The following SYNPR variants were observed in gnomAD, a reference collection of about 807,000 sequenced individuals.
The protein encoded by SYNPR is synaptoporin.
In SYNPR, 23 loss-of-function variants were observed where a neutral mutation model predicts 32.9. The observed-to-expected ratio is 0.70, with a 90% CI of 0.50 to 0.99. The LOEUF is 0.99. Ranked by LOEUF, SYNPR falls within the 50% of genes least tolerant of loss-of-function variation. SYNPR has a pLI of 0.00. For missense variants in SYNPR, 318 were observed against 349.3 expected (o/e 0.91, Z 0.71); for synonymous variants, 146 against 135.9 (o/e 1.07, Z -0.52).
At chr3:63,259,188 C>T (rs6445335) in intron 2 of SYNPR, among the ~76,000 whole-genome samples, 127,274 of 152,196 alleles carry the variant, frequency 0.84, 53,873 homozygotes, top group African/African-American at 0.91. Flanking sequence ...TTCCAACCAA[C>T]AGAAAAAGAC....
chr3:63,291,740 C>T (rs13084625), intron 2 of SYNPR, among the ~76,000 whole-genome samples: 34,919 of 151,998 alleles, frequency 0.23, 4,304 homozygotes, highest in South Asian at 0.38. Context: ...TTGATAGTGG[C>T]ATTAAACTCC....
chr3:63,567,840 G>A (rs902006892), intron 4 of SYNPR, among the ~76,000 whole-genome samples: 2 of 152,176 alleles, frequency 1.3e-5, no homozygotes, highest in Admixed American at 6.5e-5. Flanking sequence ...TCCACCACCT[G>A]TCTGAGATCT....
rs1015377364 is a variant in SYNPR at position 63,321,729 on chromosome 3, C to T, written c.84+42987C>T. ...GGAGTAAAGTCTGAAATTATAACCT[C>T]ATGTCTTTGCACAGAAGTTCTCTGT... On this transcript the variant is annotated intron_variant, in intron 2 of 5. Coordinates refer to ENST00000478300, the MANE Select transcript of SYNPR (RefSeq NM_001130003.2). Among the ~76,000 whole-genome samples, 5 of 152,078 alleles carry T rather than the reference C, an allele frequency of 3.3e-5. No homozygotes were observed. In the East Asian group the frequency reaches 7.7e-4, roughly 24 times the overall value.
intron 2 of SYNPR, among the ~76,000 whole-genome samples, chr3:63,357,756 T>C (rs1335368181): frequency 1.3e-5 from 2 of 152,124 alleles, no homozygotes; most frequent in Non-Finnish European, 2.9e-5. Flanking sequence ...TCAGATTCAA[T>C]TAGTCTATTT....
At chr3:63,233,316 C>G (rs1179098355) in intron 1 of SYNPR, among the ~76,000 whole-genome samples, 1 of 152,188 alleles carries the variant, frequency 6.6e-6, no homozygotes. Context: ...CTAGTAAATT[C>G]AAATTCTCTT....
At chr3:63,427,896 C>G (rs1699920692) in intron 2 of SYNPR, among the ~76,000 whole-genome samples, 1 of 152,200 alleles carries the variant, frequency 6.6e-6, no homozygotes, top group South Asian at 2.1e-4. Flanking sequence ...TTCCAAGGTC[C>G]AAGCCAAGTG....
Position 63,443,862 on chromosome 3 carries a change from A to G in SYNPR, c.85-36970A>G, listed in dbSNP as rs139360089. Among the ~76,000 whole-genome samples the G allele has an allele frequency of 1.6e-3, 241 of 152,290 alleles. 3 individuals are homozygous for G. The East Asian group carries it at 0.033, about 21-fold the overall frequency. ...TTACCATTTTAATTAAAGTTTCTTCATCAGTGTCAGAGTGAAAATTACTTA... is the reference window on the plus strand; with the variant it reads ...TTACCATTTTAATTAAAGTTTCTTCGTCAGTGTCAGAGTGAAAATTACTTA... On this transcript the variant is annotated intron_variant, in intron 2 of 5. Transcript: ENST00000478300.
At chr3:63,569,022 A>G (rs1444604180) in intron 4 of SYNPR, among the ~76,000 whole-genome samples, 1 of 152,236 alleles carries the variant, frequency 6.6e-6, no homozygotes, top group Non-Finnish European at 1.5e-5. Context: ...GCTTAGTAAC[A>G]GTTTATTTAT....
At chr3:63,584,131 A>C (rs1703141852) in intron 4 of SYNPR, among the ~76,000 whole-genome samples, 2 of 152,024 alleles carry the variant, frequency 1.3e-5, no homozygotes, top group Admixed American at 1.3e-4. Context: ...GAGATCAGTT[A>C]GTTTCTGGTG....
At chr3:63,492,876 G>A (rs1701281830) in intron 3 of SYNPR, among the ~76,000 whole-genome samples, 1 of 152,096 alleles carries the variant, frequency 6.6e-6, no homozygotes, top group Non-Finnish European at 1.5e-5. Context: ...ATAGGAAAGA[G>A]AAATAGAGAG....
At chr3:63,301,104 T>TC (rs2106941450) in intron 2 of SYNPR, among the ~76,000 whole-genome samples, 1 of 152,276 alleles carries the variant, frequency 6.6e-6, no homozygotes, top group South Asian at 2.1e-4. Flanking sequence ...CATGTCATCT[T>TC]ACATCTCTTT....
intron 2 of SYNPR, among the ~76,000 whole-genome samples, chr3:63,322,753 C>T (rs1276843166): frequency 6.6e-6 from 1 of 152,036 alleles, no homozygotes; most frequent in Non-Finnish European, 1.5e-5. Flanking sequence ...ACATTCAGTC[C>T]TCTGCCTTTG....
upstream of SYNPR, among the ~76,000 whole-genome samples, chr3:63,227,337 T>C (rs750844277): frequency 7.2e-5 from 11 of 152,316 alleles, no homozygotes; most frequent in South Asian, 4.1e-4. Flanking sequence ...AAATAGATCT[T>C]TCTGTTTTAA....
At chr3:63,405,022 G>A (rs1447949632) in intron 2 of SYNPR, among the ~76,000 whole-genome samples, 7 of 152,036 alleles carry the variant, frequency 4.6e-5, no homozygotes, top group Non-Finnish European at 8.8e-5. Context: ...AGTACTTACT[G>A]TGTGTCATAT....
intron 2 of SYNPR, among the ~76,000 whole-genome samples, chr3:63,372,180 A>AAAACAC (rs2087821449): frequency 1.3e-5 from 2 of 152,004 alleles, no homozygotes. Context: ...AGAAAAAACA[A>AAAACAC]AAACACATAA....
intron 2 of SYNPR, among the ~76,000 whole-genome samples, chr3:63,402,348 G>GCAGAATCTCCCCCAGTTGAGAAC (rs1379453316): frequency 2.0e-4 from 30 of 152,150 alleles, no homozygotes; most frequent in African/African-American, 7.2e-4. Context: ...ACGGGGAGAG[G>GCAGAATCTCCCCCAGTTGAGAAC]CAGAATCTCC....
chr3:63,332,593 C>T (rs571413742), intron 2 of SYNPR, among the ~76,000 whole-genome samples: 168 of 152,258 alleles, frequency 1.1e-3, no homozygotes, highest in Non-Finnish European at 2.1e-3. Context: ...TGGGTTTTAA[C>T]CTTAATAATA....
At chr3:63,443,237 G>A in intron 2 of SYNPR, 1 of 1,405,510 alleles carries the variant, frequency 7.1e-7, no homozygotes, top group South Asian at 1.6e-5. Flanking sequence ...TGACCGTTTT[G>A]CCATCTCTCT....
intron 4 of SYNPR, among the ~76,000 whole-genome samples, chr3:63,560,365 A>C (rs1222928439): frequency 1.3e-5 from 2 of 152,192 alleles, no homozygotes; most frequent in African/African-American, 4.8e-5. Flanking sequence ...TGAAGCTGTG[A>C]TTGGGGAAGT....
Sources: allele counts gnomAD v4.1 joint callset (sites outside exome capture counted in the v4.1 genomes callset), GRCh38; gene constraint gnomAD v4.1.1; transcripts MANE v1.5; gene names NCBI Gene and HGNC (gene_info 2026-07-23, HGNC 2026-07-21).